The following PTPRG variants were observed in gnomAD, a reference collection of about 807,000 sequenced individuals.
The protein encoded by PTPRG is protein tyrosine phosphatase receptor type G.
Under a neutral mutation model 165.3 loss-of-function variants are expected in PTPRG, and 102 were observed. That is an observed-to-expected ratio of 0.62 (90% CI 0.53 to 0.73). The LOEUF is 0.73. Among genes scored for constraint, PTPRG ranks in the 30% least tolerant of loss-of-function variants. The pLI, the probability that PTPRG is intolerant of heterozygous loss-of-function variation, is 0.00. For synonymous variants in PTPRG, 675 were observed against 669.5 expected (o/e 1.01, Z -0.13); for missense variants, 1,866 against 1,861.4 (o/e 1.00, Z -0.05).
At chr3:61,937,972 G>C (rs143110891) in intron 2 of PTPRG, among the ~76,000 whole-genome samples, 1 of 150,026 alleles carries the variant, frequency 6.7e-6, no homozygotes, top group African/African-American at 2.5e-5. Flanking sequence ...AATTATCTTA[G>C]AACAGAATTT....
At chr3:61,748,745 A>G (rs2033311811) in intron 1 of PTPRG, 133 bp from the exon 2 acceptor site, 2 of 612,234 alleles carry the variant, frequency 3.3e-6, no homozygotes, top group South Asian at 4.3e-5. Flanking sequence ...TTTTTTGTAA[A>G]ATAAGTTGGT....
chr3:62,050,972 G>A (rs921286927), intron 4 of PTPRG, among the ~76,000 whole-genome samples: 8 of 152,130 alleles, frequency 5.3e-5, no homozygotes, highest in Non-Finnish European at 7.4e-5. Flanking sequence ...GTACTCCAAG[G>A]TTCTATAGGA....
intron 8 of PTPRG, among the ~76,000 whole-genome samples, chr3:62,168,768 G>A (rs968028086): frequency 6.6e-6 from 1 of 152,176 alleles, no homozygotes; most frequent in Non-Finnish European, 1.5e-5. Context: ...CAGCCTTGCC[G>A]TCTGTGGACA....
At chr3:61,584,744 A>T (rs1262743546) in intron 1 of PTPRG, among the ~76,000 whole-genome samples, 1 of 152,132 alleles carries the variant, frequency 6.6e-6, no homozygotes, top group Non-Finnish European at 1.5e-5. Flanking sequence ...GTAGGTCCTT[A>T]GTAATCACAG....
At chr3:62,040,405 G>A (rs1389324551) in intron 4 of PTPRG, among the ~76,000 whole-genome samples, 2 of 152,200 alleles carry the variant, frequency 1.3e-5, no homozygotes, top group African/African-American at 4.8e-5. Context: ...CTCTAAGACA[G>A]TACAGAAAAT....
intron 2 of PTPRG, chr3:61,749,506 T>G (rs989470912): frequency 9.5e-6 from 2 of 210,374 alleles, no homozygotes; most frequent in East Asian, 3.2e-4. Flanking sequence ...TTTTTACTTT[T>G]ACCCTTTTGA....
intron 2 of PTPRG, chr3:61,749,267 C>G: frequency 2.2e-6 from 1 of 457,318 alleles, no homozygotes; most frequent in Non-Finnish European, 4.0e-6. Flanking sequence ...TTCTGAAAGA[C>G]GTAGTCTTGT....
chr3:62,282,577 A>T, intron 27 of PTPRG, 150 bp from the exon 28 acceptor site: 1 of 704,336 alleles, frequency 1.4e-6, no homozygotes. Flanking sequence ...CCTTCCTGGT[A>T]TTTTTCTTCT....
chr3:61,782,998 G>A (rs925318927), intron 2 of PTPRG, among the ~76,000 whole-genome samples: 2 of 151,932 alleles, frequency 1.3e-5, no homozygotes, highest in East Asian at 1.9e-4. Context: ...AAGAGATGGG[G>A]ACTCACTATG....
intron 7 of PTPRG, among the ~76,000 whole-genome samples, chr3:62,159,052 C>A (rs1704644419): frequency 6.6e-6 from 1 of 151,824 alleles, no homozygotes; most frequent in Non-Finnish European, 1.5e-5. Context: ...GTTTACGGCT[C>A]AGTGGCTCAT....
At chr3:61,833,557 CCTTT>C in intron 2 of PTPRG, among the ~76,000 whole-genome samples, 2 of 152,064 alleles carry the variant, frequency 1.3e-5, no homozygotes, top group Non-Finnish European at 2.9e-5. Flanking sequence ...AAAGTGTTTT[CCTTT>C]CTTTTCTTTT....
intron 2 of PTPRG, among the ~76,000 whole-genome samples, chr3:61,814,357 A>ATTCCAC (rs1559626697): frequency 4.6e-5 from 7 of 152,202 alleles, no homozygotes; most frequent in African/African-American, 1.4e-4. Flanking sequence ...CCACTGGAGT[A>ATTCCAC]TTCCACTTCT....
At chr3:62,167,163 A>G (rs1705021011) in intron 7 of PTPRG, among the ~76,000 whole-genome samples, 3 of 152,190 alleles carry the variant, frequency 2.0e-5, no homozygotes, top group Admixed American at 1.3e-4. Flanking sequence ...CATAAATTTT[A>G]ATACTTCTGA....
intron 1 of PTPRG, among the ~76,000 whole-genome samples, chr3:61,590,710 A>T (rs186369501): frequency 3.9e-5 from 6 of 152,294 alleles, no homozygotes; most frequent in African/African-American, 1.4e-4. Flanking sequence ...TGTATTTATC[A>T]TTGTATTGCT....
At chr3:61,640,080 A>G (rs542839260) in intron 1 of PTPRG, among the ~76,000 whole-genome samples, 6 of 152,196 alleles carry the variant, frequency 3.9e-5, no homozygotes, top group Non-Finnish European at 8.8e-5. Flanking sequence ...CTGGGTTTGC[A>G]TTCCACTGGA....
chr3:61,713,041 A>T (rs2106756450), intron 1 of PTPRG, among the ~76,000 whole-genome samples: 1 of 152,200 alleles, frequency 6.6e-6, no homozygotes, highest in East Asian at 1.9e-4. Context: ...CCCTTTCATC[A>T]GCCATGTTTT....
chr3:62,282,298 A>G (rs1702478953), intron 27 of PTPRG, among the ~76,000 whole-genome samples: 1 of 152,028 alleles, frequency 6.6e-6, no homozygotes, highest in African/African-American at 2.4e-5. Context: ...ATCAAAGCTC[A>G]GTGTAACCCC....
At chr3:61,928,865 C>A (rs182075819) in intron 2 of PTPRG, among the ~76,000 whole-genome samples, 1 of 152,252 alleles carries the variant, frequency 6.6e-6, no homozygotes, top group East Asian at 1.9e-4. Flanking sequence ...TGATTGGAGT[C>A]ATACAGTGGT....
intron 5 of PTPRG, among the ~76,000 whole-genome samples, chr3:62,116,799 C>A (rs957602774): frequency 2.0e-5 from 3 of 152,204 alleles, no homozygotes; most frequent in African/African-American, 7.2e-5. Context: ...ACACACATTT[C>A]TTCTGGGACC....
Sources: gnomAD v4.1 joint callset for allele counts (sites outside exome capture counted in the v4.1 genomes callset) on GRCh38, gnomAD v4.1.1 for gene constraint, MANE v1.5 for transcripts, NCBI Gene and HGNC (gene_info 2026-07-23, HGNC 2026-07-21) for gene names.